Variants in CCDC30 observed in about 807,000 individuals in gnomAD.
CCDC30 encodes the protein coiled-coil domain containing 30.
A neutral mutation model predicts 100.2 loss-of-function variants in CCDC30; 70 were observed. The observed-to-expected ratio is 0.70, with a 90% CI of 0.58 to 0.85. The LOEUF is 0.85. CCDC30 is among the 40% of genes least tolerant of loss of function. The probability of loss-of-function intolerance (pLI) is 0.00; values close to 1 mark genes in which losing one functional copy is unlikely to be tolerated. For synonymous variants in CCDC30, 233 were observed against 269.5 expected (o/e 0.86, Z 1.33); for missense variants, 652 against 771.2 (o/e 0.85, Z 1.83).
chr1:42,614,016 C>A (rs1352497731), intron 11 of CCDC30, among the ~76,000 whole-genome samples: 2 of 152,030 alleles, frequency 1.3e-5, no homozygotes, highest in Non-Finnish European at 2.9e-5. Context: ...TTTACCACAT[C>A]CTCGTTAGCA....
intron 6 of CCDC30, among the ~76,000 whole-genome samples, chr1:42,529,102 A>G (rs1465386824): frequency 6.6e-6 from 1 of 152,242 alleles, no homozygotes; most frequent in African/African-American, 2.4e-5. Flanking sequence ...ATCATCCCAC[A>G]TAAAGCAAGC....
At chr1:42,616,019 G>T (rs528704858) in intron 11 of CCDC30, among the ~76,000 whole-genome samples, 1 of 151,786 alleles carries the variant, frequency 6.6e-6, no homozygotes. Flanking sequence ...GGGTTCAAGC[G>T]ATTCTCCTGC....
rs987017541 is a variant in CCDC30 at position 42,631,978 on chromosome 1, G to A, written c.1278-5259G>A. On this transcript the variant is annotated intron_variant, in intron 11 of 16. Transcript: ENST00000668663. ...CTTCCTGGTGCTCTACCCTACTGTG[G>A]CAAAGCTGATACCTATGCTGTAAGA... Among the ~76,000 whole-genome samples, 77 of 152,118 alleles carry A rather than the reference G, an allele frequency of 5.1e-4. 1 individual carries two copies. Among genetic ancestry groups the A allele is most frequent in the Admixed American group, 5.0e-3 (77 of 15,270 alleles).
chr1:42,589,221 A>G, intron 9 of CCDC30, 100 bp from the exon 14 acceptor site: 1 of 836,542 alleles, frequency 1.2e-6, no homozygotes, highest in Non-Finnish European at 1.8e-6. Flanking sequence ...ACTTCATTGA[A>G]CCAAAAAAAA....
At chr1:42,496,393 T>C (rs1023826090) in intron 4 of CCDC30, among the ~76,000 whole-genome samples, 30 of 152,142 alleles carry the variant, frequency 2.0e-4, no homozygotes, top group African/African-American at 7.2e-4. Context: ...TACATTCTTA[T>C]AGATGAGGGT....
intron 6 of CCDC30, among the ~76,000 whole-genome samples, chr1:42,511,828 G>T (rs2148492332): frequency 6.6e-6 from 1 of 152,272 alleles, no homozygotes; most frequent in South Asian, 2.1e-4. Flanking sequence ...AGGGCAGAGA[G>T]TGACCTGTCT....
chr1:42,527,630 C>T (rs1453702601), intron 6 of CCDC30, among the ~76,000 whole-genome samples: 1 of 152,126 alleles, frequency 6.6e-6, no homozygotes, highest in African/African-American at 2.4e-5. Context: ...ACACATGTAA[C>T]ACTACAGTTT....
chr1:42,475,021 A>G (rs891418367), intron 1 of CCDC30, among the ~76,000 whole-genome samples: 1 of 152,162 alleles, frequency 6.6e-6, no homozygotes, highest in Non-Finnish European at 1.5e-5. Flanking sequence ...TTTTCTGTTC[A>G]TGGATATCAT....
rs370010689 is a variant in CCDC30 at position 42,596,305 on chromosome 1, C to T, written c.1164+6822C>T. Reference sequence around the variant, plus strand: ...TGTGAGTTTTACCTCCTGTAGCATACCAGGTTCTTGTGAATATCTGAGAAA... The same window carrying T: ...TGTGAGTTTTACCTCCTGTAGCATATCAGGTTCTTGTGAATATCTGAGAAA... On this transcript the variant is annotated intron_variant, in intron 10 of 16. Transcript: ENST00000668663. The surrounding 1 kb of genome is among the most constrained non-coding windows in gnomAD (Gnocchi z 4.3). 7.9e-5 allele frequency among the ~76,000 whole-genome samples: 12 copies of T among 152,240 alleles called. No individual in the cohort carries two copies. The South Asian group carries it at 1.5e-3, about 18-fold the overall frequency.
intron 6 of CCDC30, among the ~76,000 whole-genome samples, chr1:42,515,218 AAAC>A (rs1644537379): frequency 6.6e-6 from 1 of 151,852 alleles, no homozygotes; most frequent in Admixed American, 6.6e-5. Flanking sequence ...AAAAAAAAAA[AAAC>A]AAGAATAAGC....
chr1:42,640,588 A>G (rs557428375), intron 12 of CCDC30, among the ~76,000 whole-genome samples: 80 of 152,124 alleles, frequency 5.3e-4, no homozygotes, highest in Non-Finnish European at 8.1e-4. Context: ...TCAACATCCT[A>G]CAGGTCTTTA....
intron 9 of CCDC30, among the ~76,000 whole-genome samples, chr1:42,583,465 T>C (rs997981014): frequency 6.6e-6 from 1 of 152,218 alleles, no homozygotes; most frequent in African/African-American, 2.4e-5. Context: ...AAAATAACCC[T>C]GATTTAAATA....
chr1:42,634,249 CAAAAAAA>C (rs754829759), intron 11 of CCDC30, among the ~76,000 whole-genome samples: 4 of 115,312 alleles, frequency 3.5e-5, no homozygotes, highest in South Asian at 2.9e-4. Flanking sequence ...AAGACTGTCT[CAAAAAAA>C]AAAAAAAAAA....
At chr1:42,557,945 G>C (rs1645406792) in intron 6 of CCDC30, among the ~76,000 whole-genome samples, 1 of 151,944 alleles carries the variant, frequency 6.6e-6, no homozygotes, top group Admixed American at 6.6e-5. Context: ...AAAAACAAAA[G>C]ACCCCTGTGT....
chr1:42,632,900 C>T (rs1277354246), intron 11 of CCDC30, among the ~76,000 whole-genome samples: 1 of 152,052 alleles, frequency 6.6e-6, no homozygotes, highest in Non-Finnish European at 1.5e-5. Flanking sequence ...ACATTTGCCT[C>T]CCAGGTTCAA....
Position 42,539,267 on chromosome 1 carries a change from C to T in CCDC30, c.457-27029C>T, listed in dbSNP as rs771811895. The T allele has an allele frequency of 1.9e-6, 3 of 1,607,414 alleles. No homozygotes were observed. The highest frequency in any genetic ancestry group is 2.5e-6 in the Non-Finnish European group (3 of 1,177,406). ...GAAAGCAAAGACCATTTTTTAATAG[C>T]ATGTGACCTGTTACAAAGAGAGAAT... is the stretch of plus-strand genomic sequence containing the variant. On this transcript the variant is annotated intron_variant, in intron 6 of 16. Transcript: ENST00000668663.
chr1:42,611,136 T>A, intron 11 of CCDC30, 46 bp downstream of exon 15: 1 of 1,185,120 alleles, frequency 8.4e-7, no homozygotes, highest in South Asian at 1.3e-5. Flanking sequence ...TGTAGAGTAG[T>A]TATTTCTTGC....
In CCDC30 at chr1:42,520,081, A is replaced by G. The variant is rs1038562364; in HGVS notation, c.456+21165A>G. Among the ~76,000 whole-genome samples, 4 of 151,628 alleles carry G rather than the reference A, an allele frequency of 2.6e-5. No homozygotes were observed. In the East Asian group the frequency reaches 7.7e-4, roughly 29 times the overall value. ...ACAAAGCTTTTTGTATATTTTCTTG[A>G]TTGTTTTTCATTTCTGTCTTTCATT... is the stretch of plus-strand genomic sequence containing the variant. On this transcript the variant is annotated intron_variant, in intron 6 of 16. Transcript: ENST00000668663.
intron 6 of CCDC30, among the ~76,000 whole-genome samples, chr1:42,519,263 T>C (rs1469256457): frequency 6.6e-6 from 1 of 152,236 alleles, no homozygotes; most frequent in Non-Finnish European, 1.5e-5. Context: ...GGTATCTTTA[T>C]CTGGCTTTGC....
Sources: allele counts gnomAD v4.1 joint callset (sites outside exome capture counted in the v4.1 genomes callset), GRCh38; gene constraint gnomAD v4.1.1; non-coding constraint Gnocchi (gnomAD v3.1); transcripts MANE v1.5; gene names NCBI Gene and HGNC (gene_info 2026-07-23, HGNC 2026-07-21).